Variants in ME3 observed in about 807,000 individuals in gnomAD.
The protein encoded by ME3 is malic enzyme 3.
In ME3, 48 loss-of-function variants were observed where a neutral mutation model predicts 68.9. The ratio of observed to expected loss-of-function variants is 0.70; its 90% CI spans 0.55 to 0.89. The LOEUF (loss-of-function observed/expected upper bound fraction) is 0.89, where lower values mean the gene tolerates loss of function less well. ME3 is among the 40% of genes least tolerant of loss of function. ME3 has a pLI of 0.00. For missense variants in ME3, 675 were observed against 797.4 expected (o/e 0.85, Z 1.85); for synonymous variants, 320 against 318.8 (o/e 1.00, Z -0.04).
intron 7 of ME3, among the ~76,000 whole-genome samples, chr11:86,485,512 T>C (rs945466544): frequency 1.3e-5 from 2 of 152,180 alleles, no homozygotes; most frequent in Non-Finnish European, 2.9e-5. Flanking sequence ...TAGCAGCCCT[T>C]CCTCCATAAT....
chr11:86,440,681 G>A (rs977437132), downstream of ME3, among the ~76,000 whole-genome samples: 3 of 152,176 alleles, frequency 2.0e-5, no homozygotes, highest in East Asian at 1.9e-4. Flanking sequence ...ACACACTGCC[G>A]AGACTTGAAG....
intron 5 of ME3, 140 bp downstream of exon 5, chr11:86,508,652 C>G: frequency 1.4e-6 from 1 of 725,914 alleles, no homozygotes; most frequent in Admixed American, 2.3e-5. Flanking sequence ...TTGGCTATAA[C>G]AGGTCTGTGG....
Position 86,467,712 on chromosome 11 carries a change from C to CACACACACACA in ME3, c.810-2513_810-2512insTGTGTGTGTGT, listed in dbSNP as rs1471970486. Reference sequence around the variant, plus strand: ...TCTCTCTCACACACACACACACACACCCCTTTAAGCAACACCACCATTCAT... The same window carrying CACACACACACA: ...TCTCTCTCACACACACACACACACACACACACACACACCCTTTAAGCAACACCACCATTCAT... On this transcript the variant is annotated intron_variant, in intron 7 of 14. Transcript: ENST00000543262. 1.0e-3 allele frequency among the ~76,000 whole-genome samples: 153 copies of CACACACACACA among 150,826 alleles called. 1 individual carries two copies. The highest frequency in any genetic ancestry group is 3.2e-3 in the African/African-American group (130 of 40,824).
intron 2 of ME3, among the ~76,000 whole-genome samples, chr11:86,607,306 T>C (rs1410701773): frequency 6.6e-6 from 1 of 152,186 alleles, no homozygotes; most frequent in Non-Finnish European, 1.5e-5. Flanking sequence ...GGCTGAACTT[T>C]AACTCCTCTC....
intron 8 of ME3, among the ~76,000 whole-genome samples, chr11:86,456,199 G>C (rs186755942): frequency 6.6e-6 from 1 of 152,176 alleles, no homozygotes; most frequent in East Asian, 1.9e-4. Context: ...ATTGGCTAGC[G>C]GGAGTTTTCT....
At chr11:86,507,535 C>T (rs1184287520) in intron 5 of ME3, among the ~76,000 whole-genome samples, 1 of 152,168 alleles carries the variant, frequency 6.6e-6, no homozygotes, top group African/African-American at 2.4e-5. Context: ...GGATGTTCTG[C>T]ATTTTTGCCA....
chr11:86,473,147 A>C (rs866156738), intron 7 of ME3, among the ~76,000 whole-genome samples: 5 of 152,142 alleles, frequency 3.3e-5, no homozygotes, highest in Admixed American at 6.5e-5. Context: ...CGGAGCAGAG[A>C]GAGATAGTGG....
chr11:86,442,962 G>T, intron 13 of ME3, 43 bp from the exon 14 acceptor site: 1 of 1,528,528 alleles, frequency 6.5e-7, no homozygotes, highest in Non-Finnish European at 9.0e-7. Flanking sequence ...CTGAGTCTCT[G>T]CCTTCCCAAA....
exon 12 of ME3, chr11:86,447,153 G>A (rs781762455): frequency 1.2e-6 from 2 of 1,614,076 alleles, no homozygotes; most frequent in Admixed American, 1.7e-5. Flanking sequence ...CTCGTGGAAG[G>A]AGGCCATGTC....
chr11:86,467,014 T>TC (rs757568172), intron 7 of ME3, among the ~76,000 whole-genome samples: 1 of 152,214 alleles, frequency 6.6e-6, no homozygotes, highest in Non-Finnish European at 1.5e-5. Flanking sequence ...GTGAGGTTTT[T>TC]CCCCCAGCTT....
chr11:86,514,772 AT>A (rs1953774397), intron 4 of ME3, among the ~76,000 whole-genome samples: 1 of 152,214 alleles, frequency 6.6e-6, no homozygotes, highest in African/African-American at 2.4e-5. Context: ...AAGTCAATGT[AT>A]CTTTAAAAAA....
rs553281480 is a variant in ME3 at position 86,645,557 on chromosome 11, C to T, written c.183+26205G>A. ...AAAAGTCAGCAGCCCCAGTCAGGGGCTTATAGATAAAACTCCCATCTCCCT... is the reference window on the plus strand; with the variant it reads ...AAAAGTCAGCAGCCCCAGTCAGGGGTTTATAGATAAAACTCCCATCTCCCT... On this transcript the variant is annotated intron_variant, in intron 2 of 14. Coordinates refer to ENST00000543262, the Ensembl canonical transcript of ME3. Among the ~76,000 whole-genome samples the T allele has an allele frequency of 8.1e-4, 124 of 152,294 alleles. 1 individual carries two copies. The highest frequency in any genetic ancestry group is 2.9e-3 in the African/African-American group (119 of 41,560).
In ME3 at chr11:86,498,100, G is replaced by A. The variant is rs766885483; in HGVS notation, c.568C>T (p.Arg190Cys). Residue 190 changes from arginine (R) to cysteine (C), a missense_variant, in exon 6 of 15, where the codon CGC becomes TGC. Coordinates refer to ENST00000543262, the Ensembl canonical transcript of ME3. Reference sequence around the variant, plus strand: ...CCCAGGTCTCCCAGGCCCAGGATGCGCTCCCCATCAGTCACCACCACGGCC... The same window carrying A: ...CCCAGGTCTCCCAGGCCCAGGATGCACTCCCCATCAGTCACCACCACGGCC... 2.5e-6 allele frequency: 4 copies of A among 1,612,488 alleles called. No homozygotes were observed. The highest frequency in any genetic ancestry group is 1.7e-5 in the Admixed American group (1 of 59,904).
intron 8 of ME3, among the ~76,000 whole-genome samples, chr11:86,455,640 C>T (rs929579579): frequency 5.3e-5 from 8 of 152,156 alleles, no homozygotes; most frequent in African/African-American, 1.4e-4. Flanking sequence ...GTACATTTCC[C>T]CTGCTATTCT....
At chr11:86,655,416 C>G (rs1295504855) in intron 2 of ME3, among the ~76,000 whole-genome samples, 1 of 152,102 alleles carries the variant, frequency 6.6e-6, no homozygotes, top group East Asian at 1.9e-4. Flanking sequence ...ATCAATGGAA[C>G]AGAACAGAGC....
intron 2 of ME3, among the ~76,000 whole-genome samples, chr11:86,582,372 A>G (rs1368568305): frequency 3.9e-5 from 6 of 152,236 alleles, no homozygotes; most frequent in Non-Finnish European, 7.3e-5. Flanking sequence ...GTGGGTTAAA[A>G]TTCAAGTCCT....
intron 2 of ME3, among the ~76,000 whole-genome samples, chr11:86,570,647 C>G (rs1057436690): frequency 1.3e-5 from 2 of 152,140 alleles, no homozygotes; most frequent in Non-Finnish European, 2.9e-5. Flanking sequence ...ATCATAAATT[C>G]CTAAGAGGGG....
chr11:86,641,039 G>GGT, intron 2 of ME3, among the ~76,000 whole-genome samples: 1 of 33,368 alleles, frequency 3.0e-5, no homozygotes, highest in Non-Finnish European at 1.2e-4. Flanking sequence ...ATTTCACTGG[G>GGT]GGGGGGGGTC....
intron 7 of ME3, among the ~76,000 whole-genome samples, chr11:86,473,224 A>T (rs1334471894): frequency 6.6e-6 from 1 of 152,240 alleles, no homozygotes; most frequent in African/African-American, 2.4e-5. Flanking sequence ...GAGCCACGCA[A>T]TGGGCCGTGG....
Sources: allele counts gnomAD v4.1 joint callset (sites outside exome capture counted in the v4.1 genomes callset), GRCh38; gene constraint gnomAD v4.1.1; transcripts MANE v1.5; gene names NCBI Gene and HGNC (gene_info 2026-07-23, HGNC 2026-07-21).